PCDHGA9: variants seen among roughly 807,000 people sequenced by gnomAD.
The protein encoded by PCDHGA9 is protocadherin gamma subfamily A, 9, also known as protocadherin gamma-A9.
Under a neutral mutation model 62.5 loss-of-function variants are expected in PCDHGA9, and 37 were observed. The observed-to-expected ratio is 0.59, with a 90% CI of 0.46 to 0.78. The LOEUF (loss-of-function observed/expected upper bound fraction) is 0.78, where lower values mean the gene tolerates loss of function less well. Among genes scored for constraint, PCDHGA9 ranks in the 30% least tolerant of loss-of-function variants. PCDHGA9 has a pLI of 0.00. For missense variants in PCDHGA9, 1,138 were observed against 1,166.2 expected (o/e 0.98, Z 0.35); for synonymous variants, 459 against 484.6 (o/e 0.95, Z 0.69).
At position 141,403,362 on chromosome 5, in the gene PCDHGA9, G is replaced by C; in HGVS notation, c.410G>C (p.Ser137Thr). 1 of 1,614,062 alleles carries C rather than the reference G, an allele frequency of 6.2e-7. No individual in the cohort carries two copies. Among genetic ancestry groups the C allele is most frequent in the Non-Finnish European group, 8.5e-7 (1 of 1,179,910 alleles). Residue 137 changes from serine to threonine, a missense_variant, in exon 1 of 4, where the codon AGT becomes ACT. Ser to Thr is a moderately conservative substitution (Grantham distance 58, BLOSUM62 1). Coordinates refer to ENST00000573521, the MANE Select transcript of PCDHGA9 (RefSeq NM_018921.3). ...NDSAPKFQAESLEVKINEIAV... is the reference protein window; with the variant it reads ...NDSAPKFQAETLEVKINEIAV... Reference sequence around the variant, plus strand: ...AGCGCCCCAAAGTTCCAGGCCGAAAGTCTGGAAGTAAAAATTAACGAAATC... The same window carrying C: ...AGCGCCCCAAAGTTCCAGGCCGAAACTCTGGAAGTAAAAATTAACGAAATC...
In PCDHGA9 at chr5:141,477,532, C is replaced by T. The variant is rs754570150; in HGVS notation, c.2425-17275C>T. On this transcript the variant is annotated intron_variant, in intron 1 of 3. Transcript: ENST00000573521. This position sits in a 1 kb window ranked among gnomAD's most constrained non-coding sequence, Gnocchi z 4.9. ...TTTACATTGAAGAAAACAACCTCCC[C>T]GGGGCTCCAATACTAAACCTAAGTG... 2.5e-6 allele frequency: 4 copies of T among 1,614,028 alleles called. No individual in the cohort carries two copies. Among genetic ancestry groups the T allele is most frequent in the Admixed American group, 1.7e-5 (1 of 60,000 alleles).
chr5:141,441,359 G>T (rs932747576), intron 1 of PCDHGA9: 1 of 152,522 alleles, frequency 6.6e-6, no homozygotes, highest in Non-Finnish European at 1.5e-5. Flanking sequence ...TGTAACAAAT[G>T]GGGCCGTGGA....
Position 141,491,498 on chromosome 5 carries a change from C to T in PCDHGA9, c.2425-3309C>T, listed in dbSNP as rs975297143. 2 of 1,614,102 alleles carry T rather than the reference C, an allele frequency of 1.2e-6. No homozygotes were observed. Among genetic ancestry groups the T allele is most frequent in the Non-Finnish European group, 1.7e-6 (2 of 1,180,018 alleles). ...TCCAGCCCCAACCTGCAGGTGAGCT[C>T]GGACGGCACGCTCAAGTACATGGAG... On this transcript the variant is annotated intron_variant, in intron 1 of 3. Transcript: ENST00000573521. The surrounding 1 kb of genome is among the most constrained non-coding windows in gnomAD (Gnocchi z 6.9).
At chr5:141,484,866 C>T in intron 1 of PCDHGA9, 1 of 275,618 alleles carries the variant, frequency 3.6e-6, no homozygotes, top group Non-Finnish European at 6.8e-6. Flanking sequence ...GGTGGGGGAG[C>T]GTGGAGGATA....
chr5:141,497,414 C>A (rs1021294577), intron 2 of PCDHGA9, among the ~76,000 whole-genome samples: 34 of 152,066 alleles, frequency 2.2e-4, no homozygotes, highest in Admixed American at 2.0e-3. Flanking sequence ...CCCATTCCAT[C>A]AAATGAGAGG....
Position 141,491,987 on chromosome 5 carries a change from T to A in PCDHGA9, c.2425-2820T>A. The A allele has an allele frequency of 1.4e-6, 1 of 736,922 alleles. No individual in the cohort carries two copies. The highest frequency in any genetic ancestry group is 2.0e-6 in the Non-Finnish European group (1 of 490,378). The allele number at this position is 736,922 out of a possible 1,614,324, so 45.6% of individuals were successfully genotyped here. On this transcript the variant is annotated intron_variant, in intron 1 of 3. Coordinates refer to ENST00000573521, the MANE Select transcript of PCDHGA9 (RefSeq NM_018921.3). The surrounding 1 kb of genome is among the most constrained non-coding windows in gnomAD (Gnocchi z 6.9). ...GCCGGGGCCTCCTTCGAGCTTCCGG[T>A]GAATTTCGGGCGATTTCCGCGGGTG...
In PCDHGA9 at chr5:141,428,081, C is replaced by A. The variant is rs768842388; in HGVS notation, c.2424+22705C>A. 14 of 1,609,100 alleles carry A rather than the reference C, an allele frequency of 8.7e-6. No individual in the cohort carries two copies. In the African/African-American group the frequency reaches 1.1e-4, roughly 12 times the overall value. ...CGGTGGACGCAGATTCGGGACACAA[C>A]GCTTGGCTGTCCTACCACGTGCTGC... is the stretch of plus-strand genomic sequence containing the variant. On this transcript the variant is annotated intron_variant, in intron 1 of 3. Transcript: ENST00000573521.
intron 1 of PCDHGA9, among the ~76,000 whole-genome samples, chr5:141,447,688 G>A (rs188511217): frequency 1.4e-4 from 22 of 152,258 alleles, no homozygotes; most frequent in African/African-American, 4.3e-4. Context: ...TATCTTGATA[G>A]AGGGATGGGT....
intron 3 of PCDHGA9, among the ~76,000 whole-genome samples, chr5:141,510,244 G>A (rs549784078): frequency 6.6e-6 from 1 of 151,116 alleles, no homozygotes; most frequent in African/African-American, 2.4e-5. Flanking sequence ...CTGCACTCCA[G>A]GCTGGGCGAC....
chr5:141,452,378 T>C (rs1227738942), intron 1 of PCDHGA9, among the ~76,000 whole-genome samples: 1 of 152,226 alleles, frequency 6.6e-6, no homozygotes, highest in African/African-American at 2.4e-5. Context: ...TAGTAGGGAA[T>C]AGTATTTAGA....
At chr5:141,492,195 CTT>C (rs1240529719) in intron 1 of PCDHGA9, among the ~76,000 whole-genome samples, 1 of 152,242 alleles carries the variant, frequency 6.6e-6, no homozygotes, top group Non-Finnish European at 1.5e-5. Context: ...GTCTGCGGGA[CTT>C]AGGTGTGCGC....
At chr5:141,427,722 G>C (rs755543438) in intron 1 of PCDHGA9, 7 of 1,120,986 alleles carry the variant, frequency 6.2e-6, no homozygotes, top group Non-Finnish European at 9.3e-6. Context: ...CCTGGACCTA[G>C]GGCTGAATGG....
chr5:141,434,877 C>A (rs1266355299), intron 1 of PCDHGA9, among the ~76,000 whole-genome samples: 1 of 151,612 alleles, frequency 6.6e-6, no homozygotes, highest in Non-Finnish European at 1.5e-5. Flanking sequence ...TGACAGATAC[C>A]AACAACAATC....
chr5:141,418,954 T>C (rs1490406390), intron 1 of PCDHGA9: 2 of 1,613,914 alleles, frequency 1.2e-6, no homozygotes, highest in Admixed American at 1.7e-5. Flanking sequence ...CAGGAGTGGT[T>C]GTTGCCCTCT....
intron 3 of PCDHGA9, 162 bp downstream of exon 3, chr5:141,505,643 T>C: frequency 1.0e-6 from 1 of 967,852 alleles, no homozygotes. Context: ...AAGCCTGGAA[T>C]TGTGGCTAAG....
chr5:141,433,437 T>C (rs1422634356), intron 1 of PCDHGA9, among the ~76,000 whole-genome samples: 2 of 152,076 alleles, frequency 1.3e-5, no homozygotes, highest in Admixed American at 1.3e-4. Flanking sequence ...AGTCTCACTA[T>C]GTTGAGCAGG....
intron 1 of PCDHGA9, chr5:141,413,304 A>G: frequency 6.2e-7 from 1 of 1,613,982 alleles, no homozygotes; most frequent in Non-Finnish European, 8.5e-7. Context: ...CTGAGGAATT[A>G]GAGAAAGGCT....
At position 141,487,571 on chromosome 5, in the gene PCDHGA9, G is replaced by A; in HGVS notation, c.2425-7236G>A. The A allele has an allele frequency of 4.3e-6, 7 of 1,614,178 alleles. No individual in the cohort carries two copies. The highest frequency in any genetic ancestry group is 5.9e-6 in the Non-Finnish European group (7 of 1,180,038). On this transcript the variant is annotated intron_variant, in intron 1 of 3. Coordinates refer to ENST00000573521, the MANE Select transcript of PCDHGA9 (RefSeq NM_018921.3). This position sits in a 1 kb window ranked among gnomAD's most constrained non-coding sequence, Gnocchi z 5.0. ...CAGTGCACCTATGGCAGGGGAGCCTGTTCGCCCAAGCTGCCCACCCTCTGA... is the reference window on the plus strand; with the variant it reads ...CAGTGCACCTATGGCAGGGGAGCCTATTCGCCCAAGCTGCCCACCCTCTGA...
intron 1 of PCDHGA9, chr5:141,419,312 G>A (rs35892780): frequency 1.2e-6 from 2 of 1,613,962 alleles, no homozygotes; most frequent in South Asian, 2.2e-5. Context: ...CGGGCTCAAC[G>A]GCCGTGTCTC....
Sources: allele counts gnomAD v4.1 joint callset (sites outside exome capture counted in the v4.1 genomes callset), GRCh38; gene constraint gnomAD v4.1.1; non-coding constraint Gnocchi (gnomAD v3.1); transcripts MANE v1.5; gene names NCBI Gene and HGNC (gene_info 2026-07-23, HGNC 2026-07-21).